The following GRID2 variants were observed in gnomAD, a reference collection of about 807,000 sequenced individuals.
GRID2 encodes the protein glutamate ionotropic receptor delta type subunit 2.
In GRID2, 33 loss-of-function variants were observed where a neutral mutation model predicts 114.8. That is an observed-to-expected ratio of 0.29 (90% CI 0.22 to 0.38). The LOEUF (loss-of-function observed/expected upper bound fraction) is 0.38, where lower values mean the gene tolerates loss of function less well. Among genes scored for constraint, GRID2 ranks in the 10% least tolerant of loss-of-function variants. The pLI is 1.00. For synonymous variants in GRID2, 505 were observed against 449.9 expected (o/e 1.12, Z -1.55); for missense variants, 1,184 against 1,257.7 (o/e 0.94, Z 0.89).
chr4:92,974,663 A>C (rs758019276), intron 2 of GRID2, among the ~76,000 whole-genome samples: 13 of 151,686 alleles, frequency 8.6e-5, no homozygotes, highest in Non-Finnish European at 1.6e-4. Context: ...GAAGGGAAAC[A>C]TCACACACCA....
At chr4:92,479,686 T>C (rs951896565) in intron 1 of GRID2, among the ~76,000 whole-genome samples, 4 of 152,176 alleles carry the variant, frequency 2.6e-5, no homozygotes, top group Non-Finnish European at 2.9e-5. Context: ...GACCTTTCAA[T>C]TTTATTTGGT....
chr4:92,747,562 C>A (rs920203342), intron 2 of GRID2, among the ~76,000 whole-genome samples: 1 of 152,052 alleles, frequency 6.6e-6, no homozygotes, highest in Non-Finnish European at 1.5e-5. Flanking sequence ...CAACTCTTAT[C>A]CATAGCTATT....
At chr4:93,046,798 A>G (rs1273300479) in intron 2 of GRID2, among the ~76,000 whole-genome samples, 2 of 151,928 alleles carry the variant, frequency 1.3e-5, no homozygotes, top group Non-Finnish European at 2.9e-5. Flanking sequence ...TATGGAAGCT[A>G]TTAAAATTTA....
At chr4:93,070,589 T>C (rs1418338760) in intron 2 of GRID2, among the ~76,000 whole-genome samples, 3 of 152,004 alleles carry the variant, frequency 2.0e-5, no homozygotes, top group Non-Finnish European at 4.4e-5. Flanking sequence ...GAATCACTGA[T>C]TAAAGATAGA....
chr4:92,710,207 A>G (rs1056045744), intron 2 of GRID2, among the ~76,000 whole-genome samples: 1 of 152,156 alleles, frequency 6.6e-6, no homozygotes, highest in Admixed American at 6.5e-5. Context: ...AGCCACTTCA[A>G]TGTGCAACTG....
At chr4:92,939,517 C>T (rs1275757930) in intron 2 of GRID2, among the ~76,000 whole-genome samples, 3 of 146,980 alleles carry the variant, frequency 2.0e-5, no homozygotes, top group Admixed American at 7.3e-5. Context: ...CTGTAGGTTC[C>T]CTGTTCACTC....
At chr4:92,624,931 C>T (rs920853839) in intron 2 of GRID2, among the ~76,000 whole-genome samples, 1 of 151,788 alleles carries the variant, frequency 6.6e-6, no homozygotes, top group Non-Finnish European at 1.5e-5. Context: ...GTGATTTCCT[C>T]TGGTTACTTT....
chr4:92,622,462 T>C (rs1235614473), intron 2 of GRID2, among the ~76,000 whole-genome samples: 1 of 151,710 alleles, frequency 6.6e-6, no homozygotes, highest in Non-Finnish European at 1.5e-5. Context: ...TTAAGAGATT[T>C]GGTAATATTT....
chr4:93,152,540 A>G (rs1332829346), intron 4 of GRID2, among the ~76,000 whole-genome samples: 8 of 152,140 alleles, frequency 5.3e-5, no homozygotes, highest in African/African-American at 1.9e-4. Context: ...GAACAGGTGG[A>G]TACATACTGG....
chr4:93,602,439 G>A (rs1417570126), intron 13 of GRID2, among the ~76,000 whole-genome samples: 1 of 152,196 alleles, frequency 6.6e-6, no homozygotes, highest in Non-Finnish European at 1.5e-5. Flanking sequence ...CATCAAGCAA[G>A]TCTATTGATG....
intron 9 of GRID2, among the ~76,000 whole-genome samples, chr4:93,419,074 C>CTTTTTTTTTTTTTTTTTTTTTTTTCTTT (rs58832079): frequency 9.1e-6 from 1 of 109,530 alleles, no homozygotes; most frequent in African/African-American, 4.2e-5. Context: ...CATGATTTTC[C>CTTTTTTTTTTTTTTTTTTTTTTTTCTTT]TTTTTTTTTT....
chr4:92,390,731 A>G (rs1454547403), intron 1 of GRID2, among the ~76,000 whole-genome samples: 1 of 152,174 alleles, frequency 6.6e-6, no homozygotes, highest in Admixed American at 6.6e-5. Context: ...GAAGAGTTTC[A>G]GGTTTTACTC....
intron 13 of GRID2, among the ~76,000 whole-genome samples, chr4:93,594,761 C>T (rs13120477): frequency 6.6e-6 from 1 of 151,828 alleles, no homozygotes; most frequent in Non-Finnish European, 1.5e-5. Flanking sequence ...CGTGGTGCGC[C>T]GTTTTTTAAG....
chr4:92,786,678 G>T (rs1403194069), intron 2 of GRID2, among the ~76,000 whole-genome samples: 1 of 151,784 alleles, frequency 6.6e-6, no homozygotes, highest in Non-Finnish European at 1.5e-5. Context: ...TTATTTAGGG[G>T]TTTTAATTGG....
chr4:93,047,362 T>G (rs1184330627), intron 2 of GRID2, among the ~76,000 whole-genome samples: 1 of 152,146 alleles, frequency 6.6e-6, no homozygotes, highest in Non-Finnish European at 1.5e-5. Context: ...GTTCATCAAT[T>G]ATAACAAATG....
intron 1 of GRID2, among the ~76,000 whole-genome samples, chr4:92,382,812 A>G (rs533927500): frequency 6.2e-4 from 95 of 152,098 alleles, no homozygotes; most frequent in African/African-American, 2.0e-3. Flanking sequence ...TCAGTTAGTC[A>G]TATGTTTTGG....
At chr4:93,145,180 C>A (rs1736093845) in intron 4 of GRID2, among the ~76,000 whole-genome samples, 1 of 152,120 alleles carries the variant, frequency 6.6e-6, no homozygotes, top group Admixed American at 6.6e-5. Flanking sequence ...CTTATCACAG[C>A]ATGTTGCACC....
At chr4:92,929,608 G>A (rs1750075685) in intron 2 of GRID2, among the ~76,000 whole-genome samples, 1 of 151,302 alleles carries the variant, frequency 6.6e-6, no homozygotes, top group Admixed American at 6.6e-5. Flanking sequence ...TAAAAGTCAT[G>A]CTAACATTCA....
chr4:92,853,954 T>A (rs548877604), intron 2 of GRID2, among the ~76,000 whole-genome samples: 1 of 150,760 alleles, frequency 6.6e-6, no homozygotes, highest in East Asian at 2.0e-4. Flanking sequence ...AACATTCCCA[T>A]GTAACAAACC....
Sources: gnomAD v4.1 joint callset for allele counts (sites outside exome capture counted in the v4.1 genomes callset) on GRCh38, gnomAD v4.1.1 for gene constraint, MANE v1.5 for transcripts, NCBI Gene and HGNC (gene_info 2026-07-23, HGNC 2026-07-21) for gene names.